The following MED15 variants were observed in gnomAD, a reference collection of about 807,000 sequenced individuals.
MED15 encodes mediator complex subunit 15, also known as mediator of RNA polymerase II transcription subunit 15.
In MED15, 41 loss-of-function variants were observed where a neutral mutation model predicts 118.7. The ratio of observed to expected loss-of-function variants is 0.35; its 90% CI spans 0.27 to 0.45. The LOEUF is 0.45. MED15 is among the 20% of genes least tolerant of loss of function. The pLI is 1.00. For synonymous variants in MED15, 436 were observed against 413.9 expected (o/e 1.05, Z -0.65); for missense variants, 740 against 1,025.5 (o/e 0.72, Z 3.80).
intron 1 of MED15, among the ~76,000 whole-genome samples, chr22:20,516,338 T>TAATAATAATAAA (rs1569167945): frequency 1.3e-5 from 2 of 151,496 alleles, no homozygotes; most frequent in African/African-American, 4.8e-5. Flanking sequence ...ATAATAATAA[T>TAATAATAATAAA]AATAAATAAG....
At chr22:20,569,028 G>A (rs1000088313) in intron 8 of MED15, among the ~76,000 whole-genome samples, 12 of 152,168 alleles carry the variant, frequency 7.9e-5, no homozygotes, top group Non-Finnish European at 1.6e-4. Flanking sequence ...CTAGACACTC[G>A]GAAGCAGATG....
intron 1 of MED15, among the ~76,000 whole-genome samples, chr22:20,511,583 A>G (rs1467619417): frequency 2.6e-5 from 4 of 152,034 alleles, no homozygotes; most frequent in Non-Finnish European, 5.9e-5. Context: ...CTAGGGAACA[A>G]TGCCCCAGAG....
In MED15 at chr22:20,571,759, G is replaced by A. The variant is rs554844646; in HGVS notation, c.1152+3128G>A. On this transcript the variant is annotated intron_variant, in intron 8 of 17. Transcript: ENST00000263205. ...ATGATCTTCTTTTGAAACTTGAATT[G>A]GCACAGTGACCAGCTGAGGCTACGG... Among the ~76,000 whole-genome samples, 7 of 152,312 alleles carry A rather than the reference G, an allele frequency of 4.6e-5. No homozygotes were observed. In the East Asian group the frequency reaches 9.6e-4, roughly 21 times the overall value.
chr22:20,524,119 T>G (rs1416601516), intron 1 of MED15, among the ~76,000 whole-genome samples: 4 of 152,230 alleles, frequency 2.6e-5, no homozygotes, highest in African/African-American at 9.6e-5. Context: ...TGTAGAAGTT[T>G]CAGTAAAGGA....
intron 8 of MED15, among the ~76,000 whole-genome samples, chr22:20,570,730 C>CT (rs1306602300): frequency 5.9e-5 from 5 of 85,440 alleles, no homozygotes; most frequent in African/African-American, 2.0e-4. Context: ...CTTTTCTTTT[C>CT]TTTCTTTCTT....
chr22:20,537,319 A>G, intron 2 of MED15, 115 bp downstream of exon 2: 1 of 815,170 alleles, frequency 1.2e-6, no homozygotes, highest in Non-Finnish European at 1.9e-6. Context: ...GTGGTTGCTC[A>G]TCGATTGATC....
At chr22:20,560,528 G>A (rs2146559821) in intron 5 of MED15, among the ~76,000 whole-genome samples, 1 of 152,308 alleles carries the variant, frequency 6.6e-6, no homozygotes. Context: ...CTCCCAAAGT[G>A]CTGGGATTAC....
intron 8 of MED15, among the ~76,000 whole-genome samples, chr22:20,571,840 G>A (rs2146623377): frequency 6.6e-6 from 1 of 152,372 alleles, no homozygotes; most frequent in East Asian, 1.9e-4. Context: ...CCCAGAAAGT[G>A]GAGAGGAACA....
intron 1 of MED15, among the ~76,000 whole-genome samples, chr22:20,525,890 T>C (rs2054627542): frequency 6.6e-6 from 1 of 151,990 alleles, no homozygotes; most frequent in Non-Finnish European, 1.5e-5. Flanking sequence ...CGACACTCTT[T>C]ATGTGCATTT....
intron 5 of MED15, among the ~76,000 whole-genome samples, chr22:20,559,759 G>T (rs772432338): frequency 6.6e-6 from 1 of 152,204 alleles, no homozygotes; most frequent in Non-Finnish European, 1.5e-5. Context: ...GCCATTTTTA[G>T]ATAAACCTAG....
rs541506739 is a variant in MED15, at chr22:20,530,301, C to T, written c.69-6816C>T. Among the ~76,000 whole-genome samples, 8 of 152,242 alleles carry T rather than the reference C, an allele frequency of 5.3e-5. No individual in the cohort carries two copies. In the South Asian group the frequency reaches 1.5e-3, roughly 28 times the overall value. ...GGAGCTGCCAAAAATTTATTCTGCC[C>T]TATGAGAGTTCACTTGATTGATAGA... On this transcript the variant is annotated intron_variant, in intron 1 of 17. Transcript: ENST00000263205.
At position 20,585,094 on chromosome 22, in the gene MED15, T is replaced by TC; in HGVS notation, c.1965-3dup. 6.2e-7 allele frequency: 1 copy of TC among 1,613,368 alleles called. No individual in the cohort carries two copies. Among genetic ancestry groups the TC allele is most frequent in the Non-Finnish European group, 8.5e-7 (1 of 1,179,768 alleles). On this transcript the variant is annotated splice_region_variant and splice_polypyrimidine_tract_variant and intron_variant, in intron 15 of 17. Coordinates refer to ENST00000263205, the MANE Select transcript of MED15 (RefSeq NM_001003891.3). ...TGCCAGGTGTGGTCACCATGCCGCC[T>TC]CCCCAGGGCCCCAGTGGTGTGCACC...
rs549593822 is a variant in MED15, at chr22:20,537,510, G to T, written c.156+306G>T. Among the ~76,000 whole-genome samples, 3 of 152,326 alleles carry T rather than the reference G, an allele frequency of 2.0e-5. No individual in the cohort carries two copies. In the South Asian group the frequency reaches 6.2e-4, roughly 32 times the overall value. ...TGCTCAGGCCCCTAGCTGGTCCTGT[G>T]GAAGGGATCAATGCCGTGAGCAAGA... On this transcript the variant is annotated intron_variant, in intron 2 of 17. Transcript: ENST00000263205.
intron 1 of MED15, among the ~76,000 whole-genome samples, chr22:20,527,772 A>G (rs1217206874): frequency 6.6e-6 from 1 of 152,030 alleles, no homozygotes; most frequent in Admixed American, 6.6e-5. Flanking sequence ...AGCCTGGTCA[A>G]TATGGTGAAA....
chr22:20,585,600 C>T, intron 16 of MED15, 128 bp from the exon 17 acceptor site: 1 of 849,942 alleles, frequency 1.2e-6, no homozygotes, highest in East Asian at 2.6e-5. Flanking sequence ...TCAGAGAGAC[C>T]TCCTCCAGGC....
At chr22:20,565,725 A>T (rs1275232901) in intron 6 of MED15, among the ~76,000 whole-genome samples, 3 of 152,232 alleles carry the variant, frequency 2.0e-5, no homozygotes, top group African/African-American at 7.2e-5. Context: ...CGTGAGGCTC[A>T]TGCCACTGAC....
rs1198319056 is a variant in MED15, at chr22:20,541,064, T to C, written c.156+3860T>C. The stretch of plus-strand genomic sequence containing the variant: ...TAACATGGTGAAACCCTGTCTCTAC[T>C]TAAAATACAAAAAAAGGAAAAAAAA... On this transcript the variant is annotated intron_variant, in intron 2 of 17. Transcript: ENST00000263205. Among the ~76,000 whole-genome samples the C allele has an allele frequency of 1.3e-5, 2 of 151,862 alleles. 1 individual carries two copies. The highest frequency in any genetic ancestry group is 4.8e-5 in the African/African-American group (2 of 41,314).
intron 8 of MED15, among the ~76,000 whole-genome samples, chr22:20,569,722 A>G (rs1601609956): frequency 6.6e-6 from 1 of 152,194 alleles, no homozygotes; most frequent in Non-Finnish European, 1.5e-5. Flanking sequence ...CAGGGTCCCC[A>G]TGTCACATTC....
chr22:20,534,465 A>T (rs1569188306), intron 1 of MED15, among the ~76,000 whole-genome samples: 1 of 152,186 alleles, frequency 6.6e-6, no homozygotes, highest in Non-Finnish European at 1.5e-5. Context: ...TTGAAGCTGC[A>T]GTGAGCTGTG....
Sources: gnomAD v4.1 joint callset for allele counts (sites outside exome capture counted in the v4.1 genomes callset) on GRCh38, gnomAD v4.1.1 for gene constraint, MANE v1.5 for transcripts, NCBI Gene and HGNC (gene_info 2026-07-23, HGNC 2026-07-21) for gene names.